QKI: variants seen among roughly 807,000 people sequenced by gnomAD.
QKI encodes the protein QKI, KH domain containing RNA binding.
QKI carries 10 observed loss-of-function variants against 39.0 expected under a neutral mutation model. The observed-to-expected ratio is 0.26, with a 90% CI of 0.16 to 0.43. The LOEUF is 0.43. Among genes scored for constraint, QKI ranks in the 20% least tolerant of loss-of-function variants. The probability of loss-of-function intolerance (pLI) is 1.00; values close to 1 mark genes in which losing one functional copy is unlikely to be tolerated. For missense variants in QKI, 218 were observed against 428.0 expected, an observed-to-expected ratio of 0.51 and a Z score of 4.33; for synonymous variants, 204 against 155.4, an observed-to-expected ratio of 1.31 and a Z score of -2.33.
intron 3 of QKI, among the ~76,000 whole-genome samples, chr6:163,522,089 ACTTT>A (rs1210516424): frequency 5.9e-5 from 9 of 152,226 alleles, no homozygotes; most frequent in African/African-American, 2.2e-4. Flanking sequence ...TCTTCAACAT[ACTTT>A]CTTTAATTCT....
chr6:163,434,119 A>G (rs937764593), intron 1 of QKI, among the ~76,000 whole-genome samples: 7 of 152,058 alleles, frequency 4.6e-5, no homozygotes, highest in African/African-American at 1.2e-4. Context: ...GGGGGATACA[A>G]AGATGGATAA....
chr6:163,507,910 A>G (rs2128234052), intron 3 of QKI, among the ~76,000 whole-genome samples: 1 of 152,310 alleles, frequency 6.6e-6, no homozygotes, highest in East Asian at 1.9e-4. Context: ...GTTTTTTTAA[A>G]TAGCTGTTAA....
In QKI at chr6:163,573,772, TAATA is replaced by T. The variant is rs1328824536; in HGVS notation, c.*3066_*3069del. Reference sequence around the variant, plus strand: ...TTTCTATTAACCCACAGCATTATTTTAATAAATGTTATAATACCAACCTACTAAC... The same window carrying T: ...TTTCTATTAACCCACAGCATTATTTTAATGTTATAATACCAACCTACTAAC... On this transcript the variant is annotated 3_prime_UTR_variant, in exon 8 of 8. Transcript: ENST00000361752. 6.6e-6 allele frequency: 1 copy of T among 152,224 alleles called. No homozygotes were observed. The highest frequency in any genetic ancestry group is 2.4e-5 in the African/African-American group (1 of 41,460). 9.4% of individuals were successfully genotyped at this position (152,224 alleles called of 1,614,324 possible).
chr6:163,516,544 T>C (rs1779815090), intron 3 of QKI, among the ~76,000 whole-genome samples: 1 of 152,144 alleles, frequency 6.6e-6, no homozygotes, highest in African/African-American at 2.4e-5. Flanking sequence ...CCACCCGCCT[T>C]GGCCTCCGAA....
intron 3 of QKI, among the ~76,000 whole-genome samples, chr6:163,498,220 G>A (rs1778531459): frequency 6.7e-6 from 1 of 148,998 alleles, no homozygotes; most frequent in Non-Finnish European, 1.5e-5. Context: ...ATATGTGGAA[G>A]GTATCCTCAA....
chr6:163,555,222 G>A (rs968858198), intron 4 of QKI, among the ~76,000 whole-genome samples: 1 of 151,974 alleles, frequency 6.6e-6, no homozygotes, highest in East Asian at 1.9e-4. Context: ...GGCTTTGGGG[G>A]TTACAAGGAA....
chr6:163,543,768 CTTG>C (rs1296125196), intron 4 of QKI, among the ~76,000 whole-genome samples: 1 of 151,996 alleles, frequency 6.6e-6, no homozygotes, highest in East Asian at 1.9e-4. Context: ...CTTATTCAGG[CTTG>C]TTTTTTCACT....
chr6:163,424,458 C>T (rs1788251754), intron 1 of QKI, among the ~76,000 whole-genome samples: 1 of 152,108 alleles, frequency 6.6e-6, no homozygotes, highest in African/African-American at 2.4e-5. Context: ...AATCATGACT[C>T]CGCAATTAAC....
chr6:163,570,668 G>GTTT (rs112825267), intron 7 of QKI, 26 bp from the exon 8 acceptor site: 3 of 1,576,020 alleles, frequency 1.9e-6, no homozygotes, highest in South Asian at 2.3e-5. Context: ...TTTTTGTTTT[G>GTTT]TTTTTTTTTG....
At chr6:163,564,956 A>G in intron 6 of QKI, 1 of 1,312,370 alleles carries the variant, frequency 7.6e-7, no homozygotes, top group Middle Eastern at 2.9e-4. Flanking sequence ...GAACTGGAGA[A>G]CACTAAGATT....
intron 1 of QKI, among the ~76,000 whole-genome samples, chr6:163,440,225 A>C (rs531229579): frequency 3.3e-5 from 5 of 152,266 alleles, no homozygotes; most frequent in Admixed American, 2.6e-4. Flanking sequence ...CAGCAACCAA[A>C]TTTAACTTTG....
At chr6:163,417,594 C>T (rs889691358) in intron 1 of QKI, among the ~76,000 whole-genome samples, 2 of 152,150 alleles carry the variant, frequency 1.3e-5, no homozygotes, top group African/African-American at 4.8e-5. Context: ...TCAATTATGT[C>T]ATTGTCTCTG....
chr6:163,475,561 C>G (rs1271422534), intron 2 of QKI, among the ~76,000 whole-genome samples: 1 of 152,016 alleles, frequency 6.6e-6, no homozygotes, highest in African/African-American at 2.4e-5. Flanking sequence ...ACCCCAGATA[C>G]CAAGGGACGA....
Position 163,455,585 on chromosome 6 carries a change from T to C in QKI, c.285+164T>C, listed in dbSNP as rs188062832. On this transcript the variant is annotated intron_variant, in intron 2 of 7. Coordinates refer to ENST00000361752, the MANE Select transcript of QKI (RefSeq NM_006775.3). ...CATGATAATTTAAAAAATTTCTCTCTAAATATGTTTGCATTTGATTGCTGC... is the reference window on the plus strand; with the variant it reads ...CATGATAATTTAAAAAATTTCTCTCCAAATATGTTTGCATTTGATTGCTGC... Among the ~76,000 whole-genome samples, 34 of 152,336 alleles carry C rather than the reference T, an allele frequency of 2.2e-4. 1 individual carries two copies. Among genetic ancestry groups the C allele is most frequent in the Admixed American group, 7.8e-4 (12 of 15,302 alleles).
chr6:163,424,641 A>AT (rs113916256), intron 1 of QKI, among the ~76,000 whole-genome samples: 27,089 of 144,724 alleles, frequency 0.19, 2,710 homozygotes, highest in Admixed American at 0.35. Context: ...TTGGTTTTTA[A>AT]TTTTTTTTTT....
At chr6:163,463,746 G>A (rs940296694) in intron 2 of QKI, among the ~76,000 whole-genome samples, 1 of 152,050 alleles carries the variant, frequency 6.6e-6, no homozygotes, top group Non-Finnish European at 1.5e-5. Context: ...GGCAATAAAG[G>A]TCAACAAGTG....
At chr6:163,513,229 G>C (rs867041096) in intron 3 of QKI, among the ~76,000 whole-genome samples, 6 of 152,078 alleles carry the variant, frequency 3.9e-5, no homozygotes, top group Non-Finnish European at 8.8e-5. Flanking sequence ...GATAAGAGGA[G>C]GACGACTATA....
At chr6:163,559,194 C>A (rs865907791) in intron 4 of QKI, among the ~76,000 whole-genome samples, 1 of 151,676 alleles carries the variant, frequency 6.6e-6, no homozygotes. Flanking sequence ...GCAGGAAACT[C>A]GTCTTTCGTC....
rs568455003 is a variant in QKI at position 163,480,999 on chromosome 6, A to G, written c.402+2103A>G. On this transcript the variant is annotated intron_variant, in intron 3 of 7. Coordinates refer to ENST00000361752, the MANE Select transcript of QKI (RefSeq NM_006775.3). The stretch of plus-strand genomic sequence containing the variant: ...TTTCAAGCCCTCACAGACAATGAGC[A>G]TTAGAGCTTATAACTGTGTGATTAT... 3.2e-4 allele frequency among the ~76,000 whole-genome samples: 49 copies of G among 152,332 alleles called. No homozygotes were observed. In the South Asian group the frequency reaches 4.1e-3, roughly 13 times the overall value.
Sources: allele counts gnomAD v4.1 joint callset (sites outside exome capture counted in the v4.1 genomes callset), GRCh38; gene constraint gnomAD v4.1.1; transcripts MANE v1.5; gene names NCBI Gene and HGNC (gene_info 2026-07-23, HGNC 2026-07-21).